The following EP300 variants were observed in gnomAD, a reference collection of about 807,000 sequenced individuals.
EP300 encodes the protein histone acetyltransferase p300.
A neutral mutation model predicts 264.0 loss-of-function variants in EP300; 31 were observed. That is an observed-to-expected ratio of 0.12 (90% CI 0.09 to 0.16). The LOEUF is 0.16. Among genes scored for constraint, EP300 ranks in the 10% least tolerant of loss-of-function variants. EP300 has a pLI of 1.00. For synonymous variants in EP300, 1,340 were observed against 1,045.4 expected, an observed-to-expected ratio of 1.28 and a Z score of -5.44; for missense variants, 2,766 against 3,052.9, an observed-to-expected ratio of 0.91 and a Z score of 2.21.
chr22:41,106,003 T>C (rs2058756413), intron 1 of EP300, among the ~76,000 whole-genome samples: 1 of 152,238 alleles, frequency 6.6e-6, no homozygotes, highest in Admixed American at 6.5e-5. Context: ...TTTCTTAATG[T>C]TCCTTCAAAT....
chr22:41,096,245 T>C (rs2058700968), intron 1 of EP300, among the ~76,000 whole-genome samples: 2 of 152,126 alleles, frequency 1.3e-5, no homozygotes, highest in African/African-American at 4.8e-5. Flanking sequence ...GTTAGGCAAA[T>C]CCTGGAAATA....
intron 10 of EP300, 53 bp from the exon 11 acceptor site, chr22:41,146,683 TTTG>T: frequency 6.6e-7 from 1 of 1,525,010 alleles, no homozygotes. Flanking sequence ...GCAGTGAGTT[TTTG>T]TTTGGTTAAG....
intron 25 of EP300, 41 bp downstream of exon 25, chr22:41,168,908 G>T (rs2145764135): frequency 6.2e-7 from 1 of 1,613,838 alleles, no homozygotes; most frequent in Non-Finnish European, 8.5e-7. Context: ...ATTTGTGTGG[G>T]AGTTCCAACT....
chr22:41,116,320 A>G (rs1400766103), intron 1 of EP300, among the ~76,000 whole-genome samples: 2 of 152,092 alleles, frequency 1.3e-5, no homozygotes, highest in African/African-American at 4.8e-5. Context: ...GCACCCATCA[A>G]TCCGTCATCT....
chr22:41,177,043 G>A lies in EP300; in HGVS notation c.5332G>A (p.Gly1778Arg), dbSNP rs2059204658. Reference sequence around the variant, plus strand: ...GGGTTGCAAACGGAAAACCAATGGCGGGTGCCCCATCTGCAAGCAGCTCAT... The same window carrying A: ...GGGTTGCAAACGGAAAACCAATGGCAGGTGCCCCATCTGCAAGCAGCTCAT... The part of the protein sequence containing the change: ...TKGCKRKTNG[G>R]CPICKQLIAL... The change falls in exon 31 of 31, where the codon GGG becomes AGG. Residue 1778 changes from glycine to arginine, a missense_variant. By Grantham distance (125) the Gly-to-Arg change is moderately radical. Transcript: ENST00000263253. The A allele has an allele frequency of 1.9e-6, 3 of 1,614,120 alleles. No individual in the cohort carries two copies. The highest frequency in any genetic ancestry group is 1.7e-6 in the Non-Finnish European group (2 of 1,180,032).
At chr22:41,160,470 A>G in intron 19 of EP300, 172 bp from the exon 20 acceptor site, 1 of 571,252 alleles carries the variant, frequency 1.8e-6, no homozygotes, top group South Asian at 2.3e-5. Context: ...ACCAAAACCC[A>G]AACTGTGGGG....
rs1000694912 is a variant in EP300, at chr22:41,173,929, C to T, written c.4779+145C>T. The T allele has an allele frequency of 4.9e-5, 45 of 916,984 alleles. 1 individual carries two copies. The highest frequency in any genetic ancestry group is 1.5e-4 in the Admixed American group (7 of 46,446). 56.8% of individuals were successfully genotyped at this position (916,984 alleles called of 1,614,324 possible). A position where few individuals can be genotyped will look rare whatever the true frequency, so the allele number is the denominator to read the frequency against. Reference sequence around the variant, plus strand: ...GAGTTCAAGACCAGCCTGACCAACACGGTGAAACCTTGCTCTACTAAAAAT... The same window carrying T: ...GAGTTCAAGACCAGCCTGACCAACATGGTGAAACCTTGCTCTACTAAAAAT... On this transcript the variant is annotated intron_variant, in intron 29 of 30. Coordinates refer to ENST00000263253, the MANE Select transcript of EP300 (RefSeq NM_001429.4).
intron 1 of EP300, among the ~76,000 whole-genome samples, chr22:41,101,894 AT>A (rs918761331): frequency 3.3e-5 from 5 of 152,106 alleles, no homozygotes; most frequent in Non-Finnish European, 5.9e-5. Flanking sequence ...GCTCCAAAGA[AT>A]TTTTTTACAA....
chr22:41,168,220 C>A, intron 23 of EP300: 1 of 556,558 alleles, frequency 1.8e-6, no homozygotes, highest in Non-Finnish European at 3.2e-6. Context: ...ACTGTGTCTG[C>A]TTTAATAGCA....
chr22:41,125,211 C>T (rs748666104), intron 2 of EP300, among the ~76,000 whole-genome samples: 12 of 150,708 alleles, frequency 8.0e-5, no homozygotes, highest in Admixed American at 1.3e-4. Context: ...CTCCGCCTCC[C>T]GGGTTCACTC....
chr22:41,134,914 C>G (rs1203834215), intron 6 of EP300, among the ~76,000 whole-genome samples: 1 of 151,560 alleles, frequency 6.6e-6, no homozygotes, highest in African/African-American at 2.4e-5. Context: ...TTCTTTCTTT[C>G]TTTTTCTTTT....
chr22:41,157,387 T>A lies in EP300; in HGVS notation c.3480T>A (p.Leu1160=). The A allele has an allele frequency of 6.2e-7, 1 of 1,614,150 alleles. No individual in the cohort carries two copies. The highest frequency in any genetic ancestry group is 8.5e-7 in the Non-Finnish European group (1 of 1,180,038). Reference sequence around the variant, plus strand: ...AAATTGACCCAGTGATGCAAAGCCTTGGATACTGTTGTGGCAGAAAGGTAA... The same window carrying A: ...AAATTGACCCAGTGATGCAAAGCCTAGGATACTGTTGTGGCAGAAAGGTAA... ...EQEIDPVMQS[L]GYCCGRKLEF... is the part of the protein sequence containing the mutation. Residue 1160 remains leucine (L), a synonymous_variant, in exon 18 of 31, where the codon CTT becomes CTA. Transcript: ENST00000263253.
chr22:41,110,282 ATTTTTTTTTTTTTT>A (rs71200660), intron 1 of EP300, among the ~76,000 whole-genome samples: 25 of 48,218 alleles, frequency 5.2e-4, no homozygotes, highest in African/African-American at 1.4e-3. Context: ...TATCCAGCTA[ATTTTTTTTTTTTTT>A]TTTTTTTTTT....
At chr22:41,093,536 C>T (rs1054593065) in intron 1 of EP300, among the ~76,000 whole-genome samples, 5 of 152,106 alleles carry the variant, frequency 3.3e-5, no homozygotes, top group Non-Finnish European at 5.9e-5. Context: ...ATTTTCTCTC[C>T]TTTGCAGAAT....
chr22:41,109,492 G>A lies in EP300; in HGVS notation c.95-7695G>A, dbSNP rs552530550. Among the ~76,000 whole-genome samples, 8 of 152,254 alleles carry A rather than the reference G, an allele frequency of 5.3e-5. No homozygotes were observed. In the South Asian group the frequency reaches 1.7e-3, roughly 32 times the overall value. ...TGCCAAGAAAAATGCCTGACACATT[G>A]AAAGTGCTGGATAAATGTATGCTGT... On this transcript the variant is annotated intron_variant, in intron 1 of 30. Transcript: ENST00000263253.
intron 1 of EP300, among the ~76,000 whole-genome samples, chr22:41,116,629 TTCAA>T: frequency 6.6e-6 from 1 of 152,330 alleles, no homozygotes; most frequent in South Asian, 2.1e-4. Flanking sequence ...GTGTTGTACT[TTCAA>T]TCCCTTTTTT....
In EP300 at chr22:41,117,166, G is replaced by T; in HGVS notation, c.95-21G>T. On this transcript the variant is annotated intron_variant, in intron 1 of 30. Transcript: ENST00000263253. ...TTGGTTTTGTCATACTTTGACCTTT[G>T]TCTTTTCCCTTTGCTTTTAGATTTT... The T allele has an allele frequency of 1.9e-6, 3 of 1,610,932 alleles. No individual in the cohort carries two copies. In the South Asian group the frequency reaches 3.3e-5, roughly 18 times the overall value.
intron 4 of EP300, among the ~76,000 whole-genome samples, chr22:41,129,382 A>G (rs1601605828): frequency 6.6e-6 from 1 of 152,352 alleles, no homozygotes; most frequent in East Asian, 1.9e-4. Flanking sequence ...AGGTCTTCCC[A>G]TGTGGTGATC....
At position 41,102,120 on chromosome 22, in the gene EP300, T is replaced by TG. The variant is rs2058735367; in HGVS notation, c.94+9024dup. On this transcript the variant is annotated intron_variant, in intron 1 of 30. Coordinates refer to ENST00000263253, the MANE Select transcript of EP300 (RefSeq NM_001429.4). ...TTTTGAGCCATAATTTGAAGAATAC[T>TG]GGCGTAGAAGAGTTGACAAGATGGC... 4.0e-5 allele frequency among the ~76,000 whole-genome samples: 6 copies of TG among 151,682 alleles called. No homozygotes were observed. In the South Asian group the frequency reaches 1.3e-3, roughly 32 times the overall value.
Sources: gnomAD v4.1 joint callset for allele counts (sites outside exome capture counted in the v4.1 genomes callset) on GRCh38, gnomAD v4.1.1 for gene constraint, MANE v1.5 for transcripts, NCBI Gene and HGNC (gene_info 2026-07-23, HGNC 2026-07-21) for gene names.